The following BCAS3 variants were observed in gnomAD, a reference collection of about 807,000 sequenced individuals.
BCAS3 encodes BCAS3 microtubule associated cell migration factor, also known as BCAS4/BCAS3 fusion.
In BCAS3, 53 loss-of-function variants were observed where a neutral mutation model predicts 116.1. That is an observed-to-expected ratio of 0.46 (90% confidence interval 0.37 to 0.57). The LOEUF (loss-of-function observed/expected upper bound fraction) is 0.57. Ranked by LOEUF, BCAS3 falls within the 20% of genes least tolerant of loss-of-function variation. The pLI is 0.00. For missense variants in BCAS3, 917 were observed against 1,165.4 expected (o/e 0.79, Z 3.10); for synonymous variants, 391 against 408.2 (o/e 0.96, Z 0.51).
intron 7 of BCAS3, among the ~76,000 whole-genome samples, chr17:60,839,404 A>G (rs934906651): frequency 2.0e-5 from 3 of 152,006 alleles, no homozygotes; most frequent in Non-Finnish European, 4.4e-5. Context: ...TCCAACCCCA[A>G]TTGTAATATT....
chr17:61,143,862 A>G (rs1410850863), intron 22 of BCAS3, among the ~76,000 whole-genome samples: 2 of 152,182 alleles, frequency 1.3e-5, no homozygotes, highest in Non-Finnish European at 2.9e-5. Flanking sequence ...TAGGACACCT[A>G]CAAATTAGGG....
rs562876256 is a variant in BCAS3 at position 60,945,117 on chromosome 17, T to TA, written c.1088-2096dup. 2.6e-4 allele frequency among the ~76,000 whole-genome samples: 40 copies of TA among 152,276 alleles called. No homozygotes were observed. The South Asian group carries it at 7.9e-3, about 30-fold the overall frequency. On this transcript the variant is annotated intron_variant, in intron 13 of 23. Transcript: ENST00000407086. ...TTGCAGGAAACATACATTGTCAAGA[T>TA]AAAAAATCATCAATTTTATCTCTAT...
rs780185828 is a variant in BCAS3 at position 61,364,039 on chromosome 17, C to G, written c.2426-4288C>G. Among the ~76,000 whole-genome samples the G allele has an allele frequency of 2.6e-5, 4 of 152,130 alleles. No individual in the cohort carries two copies. The highest frequency in any genetic ancestry group is 5.9e-5 in the Non-Finnish European group (4 of 68,022). Reference sequence around the variant, plus strand: ...TTTGCTGTCCTCAGCAAAGAGGCTACGAGGTGTGGAAGGGAAAGAGACAGC... The same window carrying G: ...TTTGCTGTCCTCAGCAAAGAGGCTAGGAGGTGTGGAAGGGAAAGAGACAGC... On this transcript the variant is annotated intron_variant, in intron 22 of 23. Transcript: ENST00000407086. This position sits in a 1 kb window ranked among gnomAD's most constrained non-coding sequence, Gnocchi z 5.4.
At chr17:61,358,565 G>A (rs976136533) in intron 22 of BCAS3, among the ~76,000 whole-genome samples, 1 of 144,512 alleles carries the variant, frequency 6.9e-6, no homozygotes, top group Admixed American at 7.3e-5. Flanking sequence ...GCAGTGCCAC[G>A]ATCTTGGCAG....
rs2076321280 is a variant in BCAS3, at chr17:61,131,172, A to T, written c.2425+46608A>T. ...AACTTTTTCTTAGGTTATTTCTAAG[A>T]GAGTTTCAAAATGAAAAAAAATACT... is the stretch of plus-strand genomic sequence containing the variant. On this transcript the variant is annotated intron_variant, in intron 22 of 23. Coordinates refer to ENST00000407086, the MANE Select transcript of BCAS3 (RefSeq NM_017679.5). This position sits in a 1 kb window ranked among gnomAD's most constrained non-coding sequence, Gnocchi z 4.4. Among the ~76,000 whole-genome samples, 1 of 152,226 alleles carries T rather than the reference A, an allele frequency of 6.6e-6. No homozygotes were observed. Among genetic ancestry groups the T allele is most frequent in the Non-Finnish European group, 1.5e-5 (1 of 68,034 alleles).
chr17:61,359,501 T>TG lies in BCAS3; in HGVS notation c.2426-8826_2426-8825insG, dbSNP rs1204524163. Among the ~76,000 whole-genome samples the TG allele has an allele frequency of 1.2e-3, 8 of 6,880 alleles. No homozygotes were observed. In the Non-Finnish European group the frequency reaches 0.019, roughly 16 times the overall value. 4.5% of individuals were successfully genotyped at this position (6,880 alleles called of 152,430 possible). On this transcript the variant is annotated intron_variant, in intron 22 of 23. Transcript: ENST00000407086. Reference sequence around the variant, plus strand: ...AACATCAGGTTACTTCAAGGTTTTGTTTTTTTTTTTTGAGACGGACTCTCT... The same window carrying TG: ...AACATCAGGTTACTTCAAGGTTTTGTGTTTTTTTTTTTGAGACGGACTCTCT...
chr17:60,790,330 A>G (rs2046650352), intron 6 of BCAS3, among the ~76,000 whole-genome samples: 1 of 152,190 alleles, frequency 6.6e-6, no homozygotes, highest in South Asian at 2.1e-4. Context: ...TATCAAATTG[A>G]TATGCATAAT....
chr17:60,781,843 G>A (rs1199053122), intron 6 of BCAS3, among the ~76,000 whole-genome samples: 1 of 151,902 alleles, frequency 6.6e-6, no homozygotes, highest in Admixed American at 6.6e-5. Flanking sequence ...CTATTTCTAG[G>A]TGTGAATTTC....
intron 22 of BCAS3, among the ~76,000 whole-genome samples, chr17:61,195,205 G>C (rs1189404013): frequency 6.6e-6 from 1 of 152,174 alleles, no homozygotes; most frequent in African/African-American, 2.4e-5. Flanking sequence ...AGAAGGACTG[G>C]ATACAGTATG....
At chr17:61,231,684 C>T (rs191658481) in intron 22 of BCAS3, among the ~76,000 whole-genome samples, 29 of 152,010 alleles carry the variant, frequency 1.9e-4, no homozygotes, top group Admixed American at 2.6e-4. Flanking sequence ...TGAGATCAGC[C>T]TGGGCAACAT....
intron 6 of BCAS3, among the ~76,000 whole-genome samples, chr17:60,800,303 C>G (rs993638051): frequency 1.3e-5 from 2 of 152,126 alleles, no homozygotes; most frequent in Admixed American, 1.3e-4. Context: ...TGTTTGAGCT[C>G]CTCTAGTAGG....
intron 14 of BCAS3, among the ~76,000 whole-genome samples, chr17:60,948,265 T>C (rs937804016): frequency 6.6e-6 from 1 of 151,862 alleles, no homozygotes; most frequent in African/African-American, 2.4e-5. Context: ...CCCACCACCA[T>C]GCCTGGCTAA....
intron 19 of BCAS3, chr17:61,069,834 TAA>T (rs746344496): frequency 0.065 from 35,064 of 535,986 alleles, no homozygotes; most frequent in East Asian, 0.088. Flanking sequence ...AGACCCTGTG[TAA>T]AAAAAAAAAA....
At chr17:61,266,324 C>A (rs1210564238) in intron 22 of BCAS3, among the ~76,000 whole-genome samples, 1 of 152,128 alleles carries the variant, frequency 6.6e-6, no homozygotes, top group East Asian at 1.9e-4. Flanking sequence ...GAGACACACA[C>A]CATCCACACA....
chr17:60,936,596 T>A (rs1000040258), intron 13 of BCAS3, among the ~76,000 whole-genome samples: 2 of 152,234 alleles, frequency 1.3e-5, no homozygotes, highest in African/African-American at 4.8e-5. Flanking sequence ...GATTTGCATT[T>A]CTCTGATGGC....
intron 20 of BCAS3, among the ~76,000 whole-genome samples, chr17:61,076,979 C>T (rs889175233): frequency 6.6e-6 from 1 of 152,058 alleles, no homozygotes; most frequent in African/African-American, 2.4e-5. Flanking sequence ...TTAATCACCA[C>T]AATCAGAGAA....
Position 61,380,711 on chromosome 17 carries a change from G to A in BCAS3, c.2594-11266G>A. 1.4e-6 allele frequency: 1 copy of A among 716,754 alleles called. No homozygotes were observed. Among genetic ancestry groups the A allele is most frequent in the East Asian group, 2.7e-5 (1 of 36,846 alleles). The allele number at this position is 716,754 out of a possible 1,614,324, so 44.4% of individuals were successfully genotyped here. A position where few individuals can be genotyped will look rare whatever the true frequency, so the allele number is the denominator to read the frequency against. Reference sequence around the variant, plus strand: ...GGGCAGGGGTCAGCTCAGATGGGAGGTCTCTTCTGGAAGGGGACTGGTTTG... The same window carrying A: ...GGGCAGGGGTCAGCTCAGATGGGAGATCTCTTCTGGAAGGGGACTGGTTTG... On this transcript the variant is annotated intron_variant, in intron 23 of 23. Transcript: ENST00000407086. This position sits in a 1 kb window ranked among gnomAD's most constrained non-coding sequence, Gnocchi z 4.2.
chr17:61,024,988 A>G (rs1276320659), intron 16 of BCAS3, among the ~76,000 whole-genome samples: 1 of 152,116 alleles, frequency 6.6e-6, no homozygotes, highest in Non-Finnish European at 1.5e-5. Context: ...TCACTTCTGG[A>G]CAATTTGGTT....
At chr17:60,832,442 T>A (rs1382996837) in intron 7 of BCAS3, among the ~76,000 whole-genome samples, 1 of 152,144 alleles carries the variant, frequency 6.6e-6, no homozygotes. Flanking sequence ...TTAAAAAAAA[T>A]TTCTCAGTTA....
Sources: allele counts gnomAD v4.1 joint callset (sites outside exome capture counted in the v4.1 genomes callset), GRCh38; gene constraint gnomAD v4.1.1; non-coding constraint Gnocchi (gnomAD v3.1); transcripts MANE v1.5; gene names NCBI Gene and HGNC (gene_info 2026-07-23, HGNC 2026-07-21).